LIMCH1: variants seen among roughly 807,000 people sequenced by gnomAD.
LIMCH1 encodes the protein LIM and calponin homology domains 1, also known as LIM and calponin homology domains-containing protein 1.
LIMCH1 carries 113 observed loss-of-function variants against 176.5 expected under a neutral mutation model. The observed-to-expected ratio is 0.64, with a 90% CI of 0.55 to 0.75. The LOEUF is 0.75. Ranked by LOEUF, LIMCH1 falls within the 30% of genes least tolerant of loss-of-function variation. The probability of loss-of-function intolerance (pLI) is 0.00; values close to 1 mark genes in which losing one functional copy is unlikely to be tolerated. For synonymous variants in LIMCH1, 619 were observed against 645.9 expected, an observed-to-expected ratio of 0.96 and a Z score of 0.63; for missense variants, 1,674 against 1,814.9, an observed-to-expected ratio of 0.92 and a Z score of 1.41.
chr4:41,417,367 T>A (rs749054293), intron 1 of LIMCH1, among the ~76,000 whole-genome samples: 36 of 152,122 alleles, frequency 2.4e-4, no homozygotes, highest in Non-Finnish European at 4.4e-4. Context: ...ACAGATGAAG[T>A]AGAAACTGTG....
At chr4:41,689,214 A>G (rs997650712) in intron 29 of LIMCH1, among the ~76,000 whole-genome samples, 3 of 152,246 alleles carry the variant, frequency 2.0e-5, no homozygotes, top group Admixed American at 1.3e-4. Flanking sequence ...TATGATAAAT[A>G]TATTGAATCA....
At chr4:41,434,309 G>C (rs1455470728) in intron 1 of LIMCH1, among the ~76,000 whole-genome samples, 1 of 152,190 alleles carries the variant, frequency 6.6e-6, no homozygotes, top group African/African-American at 2.4e-5. Flanking sequence ...GTAGACATCA[G>C]CTACAGATGT....
intron 1 of LIMCH1, among the ~76,000 whole-genome samples, chr4:41,571,205 T>G (rs190592175): frequency 1.5e-3 from 231 of 152,080 alleles, no homozygotes; most frequent in Middle Eastern, 0.01. Context: ...GGTAGAAATG[T>G]TTTTTGTCTT....
In LIMCH1 at chr4:41,631,070, T is replaced by A. The variant is rs1392895657; in HGVS notation, c.1272-78T>A. ...GGGAGGGCCAACTACTTCTAGTTTT[T>A]TTTTTTGTTTTTTTTTTAAAAACCT... is the stretch of plus-strand genomic sequence containing the variant. On this transcript the variant is annotated intron_variant, in intron 9 of 31. Transcript: ENST00000503057. The A allele has an allele frequency of 2.3e-6, 3 of 1,282,598 alleles. No homozygotes were observed. The East Asian group carries it at 7.8e-5, about 33-fold the overall frequency. The allele number at this position is 1,282,598 out of a possible 1,614,324, so 79.5% of individuals were successfully genotyped here.
intron 1 of LIMCH1, among the ~76,000 whole-genome samples, chr4:41,403,374 A>T (rs1238682312): frequency 6.6e-6 from 1 of 152,136 alleles, no homozygotes; most frequent in Non-Finnish European, 1.5e-5. Flanking sequence ...TGAGCTCAGG[A>T]GTTCAAGACC....
intron 1 of LIMCH1, among the ~76,000 whole-genome samples, chr4:41,441,821 A>G (rs956219421): frequency 2.6e-5 from 4 of 152,220 alleles, no homozygotes; most frequent in African/African-American, 7.2e-5. Context: ...GTTTGCTAGT[A>G]TAAACTAATA....
chr4:41,633,931 CA>C, intron 13 of LIMCH1, 123 bp downstream of exon 13: 1 of 1,137,790 alleles, frequency 8.8e-7, no homozygotes, highest in South Asian at 1.7e-5. Flanking sequence ...ACAGAATGAT[CA>C]AAATTGGCCT....
intron 26 of LIMCH1, 117 bp downstream of exon 26, chr4:41,682,577 C>T: frequency 3.3e-6 from 3 of 898,894 alleles, no homozygotes; most frequent in Non-Finnish European, 3.3e-6. Flanking sequence ...ATGAATGTTC[C>T]AGTAATACAT....
At chr4:41,380,389 A>G (rs1581253166) in intron 1 of LIMCH1, among the ~76,000 whole-genome samples, 1 of 151,142 alleles carries the variant, frequency 6.6e-6, no homozygotes, top group Non-Finnish European at 1.5e-5. Context: ...GCCTCAAGCA[A>G]TCCTGCCCTG....
At chr4:41,449,051 C>A (rs1467739005) in intron 1 of LIMCH1, among the ~76,000 whole-genome samples, 1 of 152,118 alleles carries the variant, frequency 6.6e-6, no homozygotes, top group East Asian at 1.9e-4. Flanking sequence ...TCTCCACACG[C>A]CCCTGTGACT....
Position 41,580,495 on chromosome 4 carries a change from G to A in LIMCH1, c.-240-18425G>A, listed in dbSNP as rs1435605141. ...ACTTCCATTTTCATTGGAAGTGAAA[G>A]TTATCAGAGAAGAAAGAAAAAAGAA... On this transcript the variant is annotated intron_variant, in intron 1 of 31. Coordinates refer to ENST00000503057, the MANE Select transcript of LIMCH1 (RefSeq NM_001330672.2). 2.0e-5 allele frequency among the ~76,000 whole-genome samples: 3 copies of A among 152,066 alleles called. No individual in the cohort carries two copies. The South Asian group carries it at 6.2e-4, about 32-fold the overall frequency.
At chr4:41,420,143 G>A (rs902233559) in intron 1 of LIMCH1, among the ~76,000 whole-genome samples, 2 of 152,142 alleles carry the variant, frequency 1.3e-5, no homozygotes, top group African/African-American at 2.4e-5. Context: ...GAAACTATGG[G>A]AAATACTGTC....
At chr4:41,514,000 C>T (rs1583349356) in intron 2 of LIMCH1, among the ~76,000 whole-genome samples, 3 of 69,730 alleles carry the variant, frequency 4.3e-5, no homozygotes, top group South Asian at 6.8e-4. Flanking sequence ...AGAGAGACTC[C>T]GTCTTAAAAA....
chr4:41,456,191 T>C (rs62411119), intron 1 of LIMCH1, among the ~76,000 whole-genome samples: 28,032 of 152,164 alleles, frequency 0.18, 2,700 homozygotes, highest in African/African-American at 0.25. Flanking sequence ...TGAGCTTTAA[T>C]GGCCATTTTC....
At chr4:41,647,288 A>C (rs1413753771) in intron 17 of LIMCH1, among the ~76,000 whole-genome samples, 2 of 152,232 alleles carry the variant, frequency 1.3e-5, no homozygotes, top group East Asian at 1.9e-4. Flanking sequence ...CTTTTGGTTC[A>C]AATAGAAGTA....
At chr4:41,689,727 G>A in intron 30 of LIMCH1, 92 bp downstream of exon 30, 1 of 788,614 alleles carries the variant, frequency 1.3e-6, no homozygotes, top group South Asian at 1.5e-5. Flanking sequence ...AAATTCTGGA[G>A]GGCTTTGTCT....
intron 2 of LIMCH1, among the ~76,000 whole-genome samples, chr4:41,521,498 G>A (rs1232056609): frequency 1.3e-5 from 2 of 152,184 alleles, no homozygotes; most frequent in Admixed American, 1.3e-4. Context: ...TGGCATAGTG[G>A]TTTTTAATAA....
chr4:41,385,567 A>G (rs1373695180), intron 1 of LIMCH1, among the ~76,000 whole-genome samples: 5 of 152,204 alleles, frequency 3.3e-5, no homozygotes, highest in East Asian at 1.9e-4. Flanking sequence ...TATTCTGCAT[A>G]TTAAAAATGT....
At chr4:41,525,349 A>G (rs1364383285) in intron 3 of LIMCH1, among the ~76,000 whole-genome samples, 3 of 152,234 alleles carry the variant, frequency 2.0e-5, no homozygotes, top group Admixed American at 6.5e-5. Context: ...GCAGAAAGCA[A>G]TGAGAAGAAT....
Sources: allele counts gnomAD v4.1 joint callset (sites outside exome capture counted in the v4.1 genomes callset), GRCh38; gene constraint gnomAD v4.1.1; transcripts MANE v1.5; gene names NCBI Gene and HGNC (gene_info 2026-07-23, HGNC 2026-07-21).